Variants in SEZ6L observed in about 807,000 individuals in gnomAD.
The protein encoded by SEZ6L is seizure 6-like protein.
SEZ6L carries 37 observed loss-of-function variants against 106.2 expected under a neutral mutation model. That is an observed-to-expected ratio of 0.35 (90% CI 0.27 to 0.46). The LOEUF is 0.46. Among genes scored for constraint, SEZ6L ranks in the 20% least tolerant of loss-of-function variants. The pLI, the probability that SEZ6L is intolerant of heterozygous loss-of-function variation, is 1.00. For synonymous variants in SEZ6L, 541 were observed against 570.4 expected, an observed-to-expected ratio of 0.95 and a Z score of 0.73; for missense variants, 1,172 against 1,332.8, an observed-to-expected ratio of 0.88 and a Z score of 1.88.
intron 1 of SEZ6L, among the ~76,000 whole-genome samples, chr22:26,273,541 G>C (rs1013943874): frequency 6.6e-6 from 1 of 152,252 alleles, no homozygotes; most frequent in South Asian, 2.1e-4. Context: ...CTGGGCAGAG[G>C]CTGGCTGGAC....
intron 14 of SEZ6L, among the ~76,000 whole-genome samples, chr22:26,374,942 T>G (rs540202955): frequency 2.6e-5 from 4 of 152,228 alleles, no homozygotes; most frequent in African/African-American, 9.6e-5. Flanking sequence ...CATTGGGGTG[T>G]GCAGGACAGA....
In SEZ6L at chr22:26,263,106, T is replaced by G. The variant is rs76044609; in HGVS notation, c.95-29300T>G. ...CTCTTGGTATCACTCAGCACTTTCA[T>G]GCTTCCCATGGTCTACCGGGTGCCA... is the stretch of plus-strand genomic sequence containing the variant. On this transcript the variant is annotated intron_variant, in intron 1 of 16. Coordinates refer to ENST00000248933, the MANE Select transcript of SEZ6L (RefSeq NM_021115.5). Among the ~76,000 whole-genome samples the G allele has an allele frequency of 3.4e-3, 513 of 152,314 alleles. 16 individuals carry two copies. The East Asian group carries it at 0.054, about 16-fold the overall frequency.
chr22:26,280,512 C>T (rs897244967), intron 1 of SEZ6L, among the ~76,000 whole-genome samples: 1 of 152,152 alleles, frequency 6.6e-6, no homozygotes, highest in Non-Finnish European at 1.5e-5. Context: ...TCATTCTGCA[C>T]CTTGGTTTTT....
intron 1 of SEZ6L, among the ~76,000 whole-genome samples, chr22:26,247,437 G>A (rs1259880314): frequency 6.6e-6 from 1 of 152,114 alleles, no homozygotes; most frequent in Non-Finnish European, 1.5e-5. Flanking sequence ...GATTGGGGTG[G>A]GCCTTAAGTC....
chr22:26,314,375 GGCAAGC>G (rs1569459181), intron 9 of SEZ6L, among the ~76,000 whole-genome samples: 1 of 152,202 alleles, frequency 6.6e-6, no homozygotes, highest in Non-Finnish European at 1.5e-5. Flanking sequence ...AAGGCCCTGT[GGCAAGC>G]ATCTCATTTT....
chr22:26,326,919 C>T (rs1388075362), intron 9 of SEZ6L, among the ~76,000 whole-genome samples: 1 of 152,220 alleles, frequency 6.6e-6, no homozygotes, highest in Non-Finnish European at 1.5e-5. Context: ...ACAAGCCCTC[C>T]AGGTTTCAAA....
At chr22:26,373,792 T>C (rs951728544) in intron 14 of SEZ6L, among the ~76,000 whole-genome samples, 1 of 152,208 alleles carries the variant, frequency 6.6e-6, no homozygotes, top group African/African-American at 2.4e-5. Context: ...CTTTTCATGA[T>C]GCCATTCTAG....
At chr22:26,341,314 C>T (rs1330951616) in intron 10 of SEZ6L, among the ~76,000 whole-genome samples, 10 of 152,102 alleles carry the variant, frequency 6.6e-5, no homozygotes, top group African/African-American at 2.2e-4. Context: ...AGCTCACACA[C>T]TCCTATGACC....
At chr22:26,318,219 G>A (rs775046384) in intron 9 of SEZ6L, among the ~76,000 whole-genome samples, 13 of 151,908 alleles carry the variant, frequency 8.6e-5, no homozygotes, top group Non-Finnish European at 1.9e-4. Context: ...GATTGCAGGC[G>A]TGTGCCACCA....
Position 26,365,631 on chromosome 22 carries a change from G to A in SEZ6L, c.2794+65G>A, listed in dbSNP as rs2083783057. On this transcript the variant is annotated intron_variant, in intron 13 of 16. Coordinates refer to ENST00000248933, the MANE Select transcript of SEZ6L (RefSeq NM_021115.5). ...GGAGATGTCAGGCTCCTGGCTCACA[G>A]GAGTTCTGAACTTGCTCTAAAAAAT... 3 of 1,470,950 alleles carry A rather than the reference G, an allele frequency of 2.0e-6. No homozygotes were observed. The East Asian group carries it at 6.9e-5, about 34-fold the overall frequency. 91.1% of individuals were successfully genotyped at this position (1,470,950 alleles called of 1,614,324 possible). A position where few individuals can be genotyped will look rare whatever the true frequency, so the allele number is the denominator to read the frequency against.
At chr22:26,230,446 G>A (rs1002819870) in intron 1 of SEZ6L, among the ~76,000 whole-genome samples, 6 of 152,198 alleles carry the variant, frequency 3.9e-5, no homozygotes, top group Non-Finnish European at 5.9e-5. Context: ...CACTAACTCT[G>A]CGCCAGGCAC....
chr22:26,323,898 T>C (rs1364641079), intron 9 of SEZ6L, among the ~76,000 whole-genome samples: 1 of 152,086 alleles, frequency 6.6e-6, no homozygotes, highest in Admixed American at 6.5e-5. Flanking sequence ...CAATGCAATA[T>C]CAGTACCCTA....
Position 26,169,628 on chromosome 22 carries a change from G to A in SEZ6L, c.-42G>A. On this transcript the variant is annotated 5_prime_UTR_variant, in exon 1 of 17. Transcript: ENST00000248933. ...TCCTTCCCCAGCTCCCTCGCCGTCCGCCCGCCCCACAGCCAGCGGCTCCGC... is the reference window on the plus strand; with the variant it reads ...TCCTTCCCCAGCTCCCTCGCCGTCCACCCGCCCCACAGCCAGCGGCTCCGC... The A allele has an allele frequency of 5.2e-6, 4 of 771,212 alleles. No homozygotes were observed. The highest frequency in any genetic ancestry group is 2.8e-5 in the South Asian group (1 of 35,302). The allele number at this position is 771,212 out of a possible 1,614,324, so 47.8% of individuals were successfully genotyped here.
intron 10 of SEZ6L, among the ~76,000 whole-genome samples, chr22:26,342,689 C>T (rs1244244070): frequency 2.0e-5 from 3 of 146,794 alleles, no homozygotes; most frequent in Non-Finnish European, 4.5e-5. Context: ...AGCGAGACTC[C>T]GTCTCAAAGA....
intron 1 of SEZ6L, among the ~76,000 whole-genome samples, chr22:26,216,515 G>T (rs999381685): frequency 2.1e-4 from 32 of 152,118 alleles, no homozygotes; most frequent in African/African-American, 7.7e-4. Context: ...AATTAGCTGG[G>T]TGTAGTGGTG....
rs375598008 is a variant in SEZ6L, at chr22:26,306,379, TA to T, written c.1514+236del. ...ACCTGCCCCAGCTCAATCAGCAGGC[TA>T]GGGGAAGAGGCAAAAAGGGAACTGC... On this transcript the variant is annotated intron_variant, in intron 6 of 16. Transcript: ENST00000248933. Among the ~76,000 whole-genome samples, 4 of 152,322 alleles carry T rather than the reference TA, an allele frequency of 2.6e-5. No individual in the cohort carries two copies. In the East Asian group the frequency reaches 7.7e-4, roughly 29 times the overall value.
intron 1 of SEZ6L, among the ~76,000 whole-genome samples, chr22:26,191,027 G>A (rs978220714): frequency 3.9e-5 from 6 of 152,112 alleles, no homozygotes; most frequent in Admixed American, 2.0e-4. Flanking sequence ...AAAAAGATAC[G>A]GGGTGTGGCA....
At chr22:26,290,478 G>A (rs2081074967) in intron 1 of SEZ6L, among the ~76,000 whole-genome samples, 2 of 152,214 alleles carry the variant, frequency 1.3e-5, no homozygotes, top group South Asian at 4.1e-4. Flanking sequence ...CTTGCAGTGA[G>A]CCGAGATCGC....
At chr22:26,321,007 GAGA>G in intron 9 of SEZ6L, among the ~76,000 whole-genome samples, 1 of 152,234 alleles carries the variant, frequency 6.6e-6, no homozygotes, top group East Asian at 1.9e-4. Context: ...GAAAGACAGA[GAGA>G]AGATGGGCAG....
Sources: allele counts gnomAD v4.1 joint callset (sites outside exome capture counted in the v4.1 genomes callset), GRCh38; gene constraint gnomAD v4.1.1; transcripts MANE v1.5; gene names NCBI Gene and HGNC (gene_info 2026-07-23, HGNC 2026-07-21).